The following UBAC1 variants were observed in gnomAD, a reference collection of about 807,000 sequenced individuals.
UBAC1 encodes ubiquitin-associated domain-containing protein 1.
UBAC1 carries 27 observed loss-of-function variants against 45.9 expected under a neutral mutation model. The observed-to-expected ratio is 0.59, with a 90% CI of 0.43 to 0.81. The LOEUF (loss-of-function observed/expected upper bound fraction) is 0.81, where lower values mean the gene tolerates loss of function less well. Among genes scored for constraint, UBAC1 ranks in the 30% least tolerant of loss-of-function variants. The pLI, the probability that UBAC1 is intolerant of heterozygous loss-of-function variation, is 0.00. For missense variants in UBAC1, 529 were observed against 539.2 expected, an observed-to-expected ratio of 0.98 and a Z score of 0.19; for synonymous variants, 227 against 215.5, an observed-to-expected ratio of 1.05 and a Z score of -0.47.
Position 135,945,141 on chromosome 9 carries a change from C to A in UBAC1, c.763G>T (p.Ala255Ser), listed in dbSNP as rs1444771560. ...GCTCCCGCGGCAGCCTCGGAGGCAGCTGCTGTGGCCCCCTCGGCCTCTGGG... is the reference window on the plus strand; with the variant it reads ...GCTCCCGCGGCAGCCTCGGAGGCAGATGCTGTGGCCCCCTCGGCCTCTGGG... Reference protein sequence around the residue: ...APPEAEGATAAASEAAAGASA... With the variant: ...APPEAEGATASASEAAAGASA... The change falls in exon 7 of 10, where the codon GCT (alanine) becomes TCT (serine). Residue 255 changes from alanine to serine, a missense_variant. Coordinates refer to ENST00000371756, the MANE Select transcript of UBAC1 (RefSeq NM_016172.3). 17 of 1,613,842 alleles carry A rather than the reference C, an allele frequency of 1.1e-5. No homozygotes were observed. The highest frequency in any genetic ancestry group is 1.2e-5 in the Non-Finnish European group (14 of 1,179,974).
Position 135,946,351 on chromosome 9 carries a change from C to A in UBAC1, c.462G>T (p.Lys154Asn). 1 of 1,613,596 alleles carries A rather than the reference C, an allele frequency of 6.2e-7. No individual in the cohort carries two copies. The highest frequency in any genetic ancestry group is 2.2e-5 in the East Asian group (1 of 44,884). Residue 154 changes from lysine (K) to asparagine (N), a missense_variant, in exon 5 of 10, where the codon AAG becomes AAT. Coordinates refer to ENST00000371756, the MANE Select transcript of UBAC1 (RefSeq NM_016172.3). ...CCACCTCGATGAGAGACACCAGTATCTTCCGGAGTTCTGTCTGGAACTGTG... is the reference window on the plus strand; with the variant it reads ...CCACCTCGATGAGAGACACCAGTATATTCCGGAGTTCTGTCTGGAACTGTG... ...NMRDFQTELR[K>N]ILVSLIEVAQ...
Position 135,946,010 on chromosome 9 carries a change from G to T in UBAC1, c.545-13C>A. 6.2e-7 allele frequency: 1 copy of T among 1,611,096 alleles called. No homozygotes were observed. Among genetic ancestry groups the T allele is most frequent in the Non-Finnish European group, 8.5e-7 (1 of 1,178,508 alleles). ...TCGTCCAGCATTGCTGCAGGGAGAC[G>T]ACAGGGCCATGAGGGCTCCAGCCTC... On this transcript the variant is annotated splice_polypyrimidine_tract_variant and intron_variant, in intron 5 of 9. Transcript: ENST00000371756.
intron 7 of UBAC1, among the ~76,000 whole-genome samples, chr9:135,941,748 C>T (rs1839271936): frequency 6.6e-6 from 1 of 150,702 alleles, no homozygotes; most frequent in Non-Finnish European, 1.5e-5. Flanking sequence ...CGCTCACGGG[C>T]TGCAGGACGT....
intron 7 of UBAC1, 34 bp downstream of exon 7, chr9:135,944,994 G>A (rs774679512): frequency 8.8e-6 from 14 of 1,585,700 alleles, no homozygotes; most frequent in African/African-American, 2.7e-5. Flanking sequence ...AAGACACAGC[G>A]ACTCTGCCTG....
At position 135,947,894 on chromosome 9, in the gene UBAC1, G is replaced by T. The variant is rs746991346; in HGVS notation, c.345C>A (p.Asp115Glu). Residue 115 changes from aspartate to glutamate, a missense_variant, in exon 4 of 10, where the codon GAC becomes GAA. Coordinates refer to ENST00000371756, the MANE Select transcript of UBAC1 (RefSeq NM_016172.3). ...DVSAEEKKKQ[D>E]QKAPDKEAIL... is the part of the protein sequence containing the mutation. ...TGGCCTCTTTATCTGGAGCTTTCTGGTCTTGTTTTTTCTACACAGAAACGT... is the reference window on the plus strand; with the variant it reads ...TGGCCTCTTTATCTGGAGCTTTCTGTTCTTGTTTTTTCTACACAGAAACGT... 6.2e-7 allele frequency: 1 copy of T among 1,613,970 alleles called. No individual in the cohort carries two copies. The highest frequency in any genetic ancestry group is 1.3e-5 in the African/African-American group (1 of 75,056).
chr9:135,938,145 C>A, intron 9 of UBAC1, 77 bp downstream of exon 9: 1 of 1,565,016 alleles, frequency 6.4e-7, no homozygotes, highest in Non-Finnish European at 8.7e-7. Flanking sequence ...GTATCGCCTC[C>A]GCAGCACCTA....
chr9:135,954,601 G>A (rs866079344), intron 2 of UBAC1, among the ~76,000 whole-genome samples: 12 of 152,322 alleles, frequency 7.9e-5, no homozygotes, highest in East Asian at 7.7e-4. Context: ...GGCACAGCAC[G>A]GCCCCAATAA....
chr9:135,958,455 A>G (rs6537920), intron 1 of UBAC1, among the ~76,000 whole-genome samples: 79,646 of 152,018 alleles, frequency 0.52, 20,976 homozygotes, highest in Admixed American at 0.56. Context: ...GGTGATCCCA[A>G]TTTGCACAAA....
intron 8 of UBAC1, among the ~76,000 whole-genome samples, 148 bp downstream of exon 8, chr9:135,939,505 TCAGCCCACACTCACTCATCA>T (rs1379804529): frequency 8.9e-5 from 11 of 123,844 alleles, no homozygotes; most frequent in African/African-American, 3.3e-4. Context: ...CCACACTCAC[TCAGCCCACACTCACTCATCA>T]CAGCCCCCAC....
intron 1 of UBAC1, 104 bp downstream of exon 1, chr9:135,960,921 G>A (rs1019737730): frequency 1.9e-6 from 2 of 1,074,868 alleles, no homozygotes; most frequent in African/African-American, 3.3e-5. Flanking sequence ...GCTGCGGACT[G>A]GGCGGCGGAC....
chr9:135,937,628 G>A (rs539550756), intron 9 of UBAC1, among the ~76,000 whole-genome samples: 7 of 152,190 alleles, frequency 4.6e-5, no homozygotes, highest in South Asian at 4.2e-4. Flanking sequence ...GATTGTTTAA[G>A]GAGACACAAA....
At chr9:135,957,753 G>A (rs1839483843) in intron 1 of UBAC1, among the ~76,000 whole-genome samples, 1 of 149,166 alleles carries the variant, frequency 6.7e-6, no homozygotes, top group Non-Finnish European at 1.5e-5. Context: ...TTCTAGTCTG[G>A]CAATTTTATG....
At position 135,933,305 on chromosome 9, in the gene UBAC1, G is replaced by T; in HGVS notation, c.*95C>A. 1 of 952,308 alleles carries T rather than the reference G, an allele frequency of 1.1e-6. No homozygotes were observed. The highest frequency in any genetic ancestry group is 1.7e-6 in the Non-Finnish European group (1 of 591,096). The allele number at this position is 952,308 out of a possible 1,614,324, so 59.0% of individuals were successfully genotyped here. A position where few individuals can be genotyped will look rare whatever the true frequency, so the allele number is the denominator to read the frequency against. On this transcript the variant is annotated 3_prime_UTR_variant, in exon 10 of 10. Transcript: ENST00000371756. ...ACCTCTAACAGTCCAGGGCTGAGGC[G>T]CTGAAGGTGAGTTTCCAGGTGAGGT...
chr9:135,933,940 G>A (rs1013697993), intron 9 of UBAC1, among the ~76,000 whole-genome samples: 2 of 152,062 alleles, frequency 1.3e-5, no homozygotes, highest in Admixed American at 6.6e-5. Flanking sequence ...GTAATGCTCA[G>A]CCTTCAGAAA....
chr9:135,944,968 G>A, intron 7 of UBAC1, 60 bp downstream of exon 7: 1 of 1,510,926 alleles, frequency 6.6e-7, no homozygotes, highest in Non-Finnish European at 9.0e-7. Flanking sequence ...TCCTTTCCAT[G>A]GCGCCACCTC....
intron 6 of UBAC1, chr9:135,945,526 G>C: frequency 2.0e-6 from 1 of 509,678 alleles, no homozygotes; most frequent in Non-Finnish European, 3.5e-6. Context: ...GGGACCACAG[G>C]GGGAACTGCC....
intron 9 of UBAC1, among the ~76,000 whole-genome samples, chr9:135,937,552 C>T (rs1395948803): frequency 4.0e-5 from 6 of 151,756 alleles, no homozygotes; most frequent in East Asian, 3.9e-4. Flanking sequence ...CCACAAAGAA[C>T]GCAGTCAGTC....
intron 7 of UBAC1, among the ~76,000 whole-genome samples, chr9:135,944,334 G>C (rs577929305): frequency 5.9e-5 from 9 of 152,248 alleles, no homozygotes; most frequent in African/African-American, 2.2e-4. Context: ...CACGAGCTCC[G>C]CAGGTGAGGC....
At chr9:135,944,207 G>A (rs572245610) in intron 7 of UBAC1, among the ~76,000 whole-genome samples, 14 of 152,328 alleles carry the variant, frequency 9.2e-5, no homozygotes, top group East Asian at 3.9e-4. Context: ...CTGCGAAGCC[G>A]GGGGTTACAC....
Sources: gnomAD v4.1 joint callset for allele counts (sites outside exome capture counted in the v4.1 genomes callset) on GRCh38, gnomAD v4.1.1 for gene constraint, MANE v1.5 for transcripts, NCBI Gene and HGNC (gene_info 2026-07-23, HGNC 2026-07-21) for gene names.